ABCC9: variants seen among roughly 807,000 people sequenced by gnomAD.
ABCC9 encodes the protein ATP binding cassette subfamily C member 9, also known as ATP-binding cassette sub-family C member 9.
Under a neutral mutation model 188.3 loss-of-function variants are expected in ABCC9, and 95 were observed. The observed-to-expected ratio is 0.50, with a 90% CI of 0.43 to 0.60. ABCC9 has a LOEUF of 0.60. Among genes scored for constraint, ABCC9 ranks in the 20% least tolerant of loss-of-function variants. ABCC9 has a pLI of 0.00. For missense variants in ABCC9, 1,102 were observed against 1,876.3 expected, an observed-to-expected ratio of 0.59 and a Z score of 7.62; for synonymous variants, 659 against 652.7, an observed-to-expected ratio of 1.01 and a Z score of -0.15.
intron 30 of ABCC9, among the ~76,000 whole-genome samples, chr12:21,837,161 A>C (rs1227100310): frequency 6.6e-6 from 1 of 152,200 alleles, no homozygotes; most frequent in Admixed American, 6.5e-5. Flanking sequence ...TTTCATGTTA[A>C]TATCTACATT....
intron 31 of ABCC9, among the ~76,000 whole-genome samples, chr12:21,826,363 C>T (rs1943379921): frequency 6.6e-6 from 1 of 152,086 alleles, no homozygotes; most frequent in Non-Finnish European, 1.5e-5. Context: ...TATATCTCAA[C>T]TTCATTTTTC....
intron 19 of ABCC9, among the ~76,000 whole-genome samples, 188 bp from the exon 20 acceptor site, chr12:21,863,242 AT>A (rs1347800920): frequency 9.1e-6 from 1 of 109,888 alleles, no homozygotes; most frequent in African/African-American, 3.2e-5. Context: ...TGCCACCTAA[AT>A]TAAAGGGATT....
At chr12:21,839,920 A>C (rs1199722958) in intron 29 of ABCC9, among the ~76,000 whole-genome samples, 2 of 152,190 alleles carry the variant, frequency 1.3e-5, no homozygotes, top group African/African-American at 4.8e-5. Context: ...AAGGAATATG[A>C]AGGAATGTGA....
chr12:21,899,446 C>T (rs917554309), intron 12 of ABCC9, among the ~76,000 whole-genome samples: 21 of 152,206 alleles, frequency 1.4e-4, no homozygotes, highest in Admixed American at 1.3e-3. Context: ...GTCACTGGGG[C>T]TTGTTGGACA....
Position 21,913,071 on chromosome 12 carries a change from AG to A in ABCC9, c.817-6del. On this transcript the variant is annotated splice_region_variant and splice_polypyrimidine_tract_variant and intron_variant, in intron 7 of 39. Transcript: ENST00000261200. ...TGGATGATCTGCAACTTTTTTCTGA[AG>A]AAAAAAAAAAGAAAAAAAAAACAGA... The A allele has an allele frequency of 3.1e-6, 5 of 1,595,966 alleles. No homozygotes were observed. The highest frequency in any genetic ancestry group is 1.8e-5 in the Admixed American group (1 of 56,036).
chr12:21,890,140 AT>A (rs1019525632), intron 14 of ABCC9, among the ~76,000 whole-genome samples: 7 of 152,194 alleles, frequency 4.6e-5, no homozygotes, highest in African/African-American at 1.7e-4. Context: ...CCTTTCAGAA[AT>A]CACAGAGGTA....
chr12:21,872,913 A>G (rs1193037122), intron 17 of ABCC9, among the ~76,000 whole-genome samples, 183 bp from the exon 18 acceptor site: 1 of 151,728 alleles, frequency 6.6e-6, no homozygotes, highest in Non-Finnish European at 1.5e-5. Flanking sequence ...AAATATATAT[A>G]TATATAATGA....
chr12:21,830,788 A>G (rs891438026), intron 30 of ABCC9, among the ~76,000 whole-genome samples: 14 of 152,268 alleles, frequency 9.2e-5, no homozygotes, highest in Non-Finnish European at 1.8e-4. Context: ...CCATGACCCA[A>G]ATGCCATGCT....
chr12:21,910,435 A>G, intron 9 of ABCC9, 123 bp from the exon 10 acceptor site: 1 of 982,410 alleles, frequency 1.0e-6, no homozygotes, highest in Non-Finnish European at 1.5e-6. Flanking sequence ...GAAAAATTCT[A>G]TAGGATCATC....
intron 31 of ABCC9, among the ~76,000 whole-genome samples, chr12:21,821,422 T>C (rs1359094955): frequency 1.3e-5 from 2 of 152,016 alleles, no homozygotes; most frequent in Non-Finnish European, 2.9e-5. Flanking sequence ...ATTATATATA[T>C]GTATATATTT....
intron 15 of ABCC9, 63 bp downstream of exon 15, chr12:21,887,763 T>A: frequency 1.9e-6 from 2 of 1,043,794 alleles, no homozygotes; most frequent in Non-Finnish European, 3.0e-6. Flanking sequence ...GTTGTATTAA[T>A]CTGTCCATTC....
In ABCC9 at chr12:21,895,167, A is replaced by G. The variant is rs1186807373; in HGVS notation, c.1659+108T>C. 7.5e-6 allele frequency: 7 copies of G among 937,106 alleles called. No individual in the cohort carries two copies. The African/African-American group carries it at 1.2e-4, about 15-fold the overall frequency. 58.0% of individuals were successfully genotyped at this position (937,106 alleles called of 1,614,324 possible). ...TGCAATGGAGACTGCCATAGAGAGA[A>G]GTCACAGAGGTGAGGTAATATATAT... On this transcript the variant is annotated intron_variant, in intron 13 of 39. Coordinates refer to ENST00000261200, the MANE Select transcript of ABCC9 (RefSeq NM_020297.4).
intron 17 of ABCC9, among the ~76,000 whole-genome samples, chr12:21,875,199 T>A (rs902576613): frequency 6.6e-6 from 1 of 152,208 alleles, no homozygotes; most frequent in Non-Finnish European, 1.5e-5. Flanking sequence ...AATGTAAGCA[T>A]TAAATATGTG....
chr12:21,852,795 A>G (rs1170182224), intron 22 of ABCC9, among the ~76,000 whole-genome samples: 2 of 152,152 alleles, frequency 1.3e-5, no homozygotes. Context: ...AAGGGCCAGG[A>G]GAAAAACAAA....
chr12:21,819,442 T>TA (rs1201644462), intron 31 of ABCC9, among the ~76,000 whole-genome samples: 2 of 152,140 alleles, frequency 1.3e-5, no homozygotes, highest in African/African-American at 2.4e-5. Context: ...CTGTCTCTTT[T>TA]AAAAACAGCT....
intron 22 of ABCC9, among the ~76,000 whole-genome samples, chr12:21,857,251 A>G (rs938237686): frequency 7.2e-5 from 11 of 152,202 alleles, no homozygotes; most frequent in Non-Finnish European, 1.0e-4. Context: ...ATCAGGGATT[A>G]AGAAAAGTTA....
At chr12:21,876,643 T>C (rs1946364322) in intron 16 of ABCC9, among the ~76,000 whole-genome samples, 1 of 152,144 alleles carries the variant, frequency 6.6e-6, no homozygotes, top group Non-Finnish European at 1.5e-5. Flanking sequence ...TTACCAGTTA[T>C]ACAAATAGGA....
At chr12:21,809,729 A>G in intron 37 of ABCC9, 123 bp downstream of exon 37, 2 of 669,296 alleles carry the variant, frequency 3.0e-6, no homozygotes, top group South Asian at 1.8e-5. Flanking sequence ...GACTTTTAGG[A>G]TATTATTTTA....
intron 5 of ABCC9, chr12:21,924,613 G>T (rs573089368): frequency 4.0e-5 from 6 of 151,782 alleles, no homozygotes; most frequent in African/African-American, 1.4e-4. Context: ...ACAATAATAG[G>T]CCTCTTCTGA....
Sources: gnomAD v4.1 joint callset for allele counts (sites outside exome capture counted in the v4.1 genomes callset) on GRCh38, gnomAD v4.1.1 for gene constraint, MANE v1.5 for transcripts, NCBI Gene and HGNC (gene_info 2026-07-23, HGNC 2026-07-21) for gene names.